Variants in NKIRAS1 observed in about 807,000 individuals in gnomAD.
NKIRAS1 encodes the protein NF-kappa-B inhibitor-interacting Ras-like protein 1.
NKIRAS1 carries 16 observed loss-of-function variants against 19.8 expected under a neutral mutation model. The observed-to-expected ratio is 0.81, with a 90% confidence interval of 0.55 to 1.23. The LOEUF is 1.23. Ranked by LOEUF, NKIRAS1 falls within the 50% of genes most tolerant of loss-of-function variation. The pLI, the probability that NKIRAS1 is intolerant of heterozygous loss-of-function variation, is 0.00. For synonymous variants in NKIRAS1, 88 were observed against 79.0 expected (o/e 1.11, Z -0.61); for missense variants, 184 against 220.0 (o/e 0.84, Z 1.04).
At chr3:23,896,527 C>T (rs1448307364) in intron 4 of NKIRAS1, among the ~76,000 whole-genome samples, 3 of 151,724 alleles carry the variant, frequency 2.0e-5, no homozygotes, top group African/African-American at 7.3e-5. Context: ...GCAGGAAAAT[C>T]GCTTGAACCT....
chr3:23,945,579 A>T, intron 1 of NKIRAS1: 1 of 1,148,826 alleles, frequency 8.7e-7, no homozygotes, highest in Non-Finnish European at 1.1e-6. Context: ...CGAGGGCACC[A>T]TGGAGGTGAA....
Position 23,893,037 on chromosome 3 carries a change from T to A in NKIRAS1, c.*58A>T. The A allele has an allele frequency of 6.8e-7, 1 of 1,481,118 alleles. No homozygotes were observed. The highest frequency in any genetic ancestry group is 9.0e-7 in the Non-Finnish European group (1 of 1,114,028). The allele number at this position is 1,481,118 out of a possible 1,614,324, so 91.7% of individuals were successfully genotyped here. A position where few individuals can be genotyped will look rare whatever the true frequency, so the allele number is the denominator to read the frequency against. ...TTTTAAATAGTAATATTACTCCATGTTCACAGACACTTAAAGGCAATCACT... is the reference window on the plus strand; with the variant it reads ...TTTTAAATAGTAATATTACTCCATGATCACAGACACTTAAAGGCAATCACT... On this transcript the variant is annotated 3_prime_UTR_variant, in exon 5 of 5. Coordinates refer to ENST00000425478, the MANE Select transcript of NKIRAS1 (RefSeq NM_020345.4).
chr3:23,921,730 A>G (rs1298870640), upstream of NKIRAS1: 1 of 627,874 alleles, frequency 1.6e-6, no homozygotes, highest in Non-Finnish European at 2.8e-6. Context: ...GCACACTGCC[A>G]TGCCCAGCTA....
At chr3:23,904,773 T>C (rs1192535358) in intron 3 of NKIRAS1, among the ~76,000 whole-genome samples, 1 of 152,186 alleles carries the variant, frequency 6.6e-6, no homozygotes, top group African/African-American at 2.4e-5. Flanking sequence ...ACACACCTTC[T>C]ATGAATCAGC....
At chr3:23,942,831 C>G (rs1481713494) in intron 1 of NKIRAS1, among the ~76,000 whole-genome samples, 1 of 152,196 alleles carries the variant, frequency 6.6e-6, no homozygotes, top group Non-Finnish European at 1.5e-5. Context: ...TTACTGCAGC[C>G]TCAACCTCCC....
chr3:23,946,184 C>G (rs1388072243), intron 1 of NKIRAS1: 11 of 985,206 alleles, frequency 1.1e-5, no homozygotes, highest in Non-Finnish European at 1.3e-5. Flanking sequence ...GCTGAGCCCC[C>G]GCGGCGGGGC....
At chr3:23,910,957 C>G (rs879390062) in intron 2 of NKIRAS1, 36 bp from the exon 3 acceptor site, 1 of 1,427,180 alleles carries the variant, frequency 7.0e-7, no homozygotes, top group Non-Finnish European at 9.9e-7. Context: ...AAATTGTATA[C>G]TGTTGAAATT....
rs751945454 is a variant in NKIRAS1 at position 23,910,864 on chromosome 3, G to C, written c.41C>G (p.Ser14Cys). ...GCKVVVCGLL[S>C]VGKTAILEQL... The stretch of plus-strand genomic sequence containing the variant: ...CTCCAAAATTGCAGTTTTCCCCACA[G>C]ATAACAATCCACAAACCACAACCTT... The change falls in exon 3 of 5, where the codon TCT becomes TGT. Residue 14 changes from serine (S) to cysteine (C), a missense_variant. Physicochemically the swap from Ser to Cys is moderately radical, Grantham distance 112 (BLOSUM62 -1). Coordinates refer to ENST00000425478, the MANE Select transcript of NKIRAS1 (RefSeq NM_020345.4). The C allele has an allele frequency of 1.9e-6, 3 of 1,614,006 alleles. No individual in the cohort carries two copies. Among genetic ancestry groups the C allele is most frequent in the Non-Finnish European group, 2.5e-6 (3 of 1,180,022 alleles).
chr3:23,942,939 A>C (rs80303063), intron 1 of NKIRAS1, among the ~76,000 whole-genome samples: 1 of 151,684 alleles, frequency 6.6e-6, no homozygotes, highest in Non-Finnish European at 1.5e-5. Context: ...GTAGAGATGG[A>C]GTTTCGCCAT....
chr3:23,893,667 CGTA>C (rs1369457485), intron 4 of NKIRAS1, among the ~76,000 whole-genome samples: 3 of 151,816 alleles, frequency 2.0e-5, no homozygotes, highest in Non-Finnish European at 2.9e-5. Context: ...ATTAGCCAGG[CGTA>C]GTGGTGTGCG....
chr3:23,920,861 A>AT (rs1421256043), upstream of NKIRAS1: 9 of 831,990 alleles, frequency 1.1e-5, no homozygotes, highest in African/African-American at 1.8e-5. Flanking sequence ...ACCTTCTGTT[A>AT]TTTTTTGTCA....
chr3:23,935,197 A>G (rs1190872733), intron 1 of NKIRAS1, among the ~76,000 whole-genome samples: 1 of 128,654 alleles, frequency 7.8e-6, no homozygotes, highest in Non-Finnish European at 1.7e-5. Context: ...CAAATTTATA[A>G]TGAATATTAT....
At chr3:23,904,688 A>C (rs1258469612) in intron 3 of NKIRAS1, among the ~76,000 whole-genome samples, 2 of 152,194 alleles carry the variant, frequency 1.3e-5, no homozygotes, top group Admixed American at 6.5e-5. Flanking sequence ...AAGCATCAAG[A>C]ATCATAATGG....
rs774330480 is a variant in NKIRAS1 at position 23,893,185 on chromosome 3, TA to T, written c.488del (p.Leu163TyrfsTer2). 296 of 1,613,700 alleles carry T rather than the reference TA, an allele frequency of 1.8e-4. No individual in the cohort carries two copies. Among genetic ancestry groups the T allele is most frequent in the Non-Finnish European group, 2.4e-4 (281 of 1,179,928 alleles). ...DRKTLIEPFT[L>X]LASKLSQPQS... ...GGGGTTGAGAAAGTTTACTGGCTAA[TA>T]AAGTGAATGGTTCAATCAGAGTTTT... On this transcript the variant is annotated frameshift_variant, in exon 5 of 5. Transcript: ENST00000425478. LOFTEE classifies it high-confidence loss of function.
exon 1 of NKIRAS1, chr3:23,946,357 G>GCCCT: frequency 1.1e-6 from 1 of 928,130 alleles, no homozygotes; most frequent in Non-Finnish European, 1.3e-6. Flanking sequence ...CAGGACGAGG[G>GCCCT]CGTGCTGCAG....
At chr3:23,919,927 T>G (rs1296821888), upstream of NKIRAS1, 1 of 989,818 alleles carries the variant, frequency 1.0e-6, no homozygotes, top group Admixed American at 5.9e-5. Context: ...CTTTTTAAGT[T>G]GGGCTTTAGA....
At position 23,891,500 on chromosome 3, in the gene NKIRAS1, A is replaced by G. The variant is rs546107419; in HGVS notation, c.*1595T>C. ...GATGAGGTATCCTAGAAAAGGTTAA[A>G]TAATCTACCCCATTTAGGCTTCAAA... On this transcript the variant is annotated 3_prime_UTR_variant, in exon 5 of 5. Coordinates refer to ENST00000425478, the MANE Select transcript of NKIRAS1 (RefSeq NM_020345.4). 1.2e-4 allele frequency among the ~76,000 whole-genome samples: 19 copies of G among 152,354 alleles called. 1 individual carries two copies. The South Asian group carries it at 3.9e-3, about 32-fold the overall frequency.
In NKIRAS1 at chr3:23,892,437, C is replaced by G. The variant is rs999713176; in HGVS notation, c.*658G>C. 6.6e-6 allele frequency: 1 copy of G among 152,182 alleles called. No individual in the cohort carries two copies. Among genetic ancestry groups the G allele is most frequent in the African/African-American group, 2.4e-5 (1 of 41,438 alleles). 9.4% of individuals were successfully genotyped at this position (152,182 alleles called of 1,614,324 possible). A position where few individuals can be genotyped will look rare whatever the true frequency, so the allele number is the denominator to read the frequency against. ...AACAGTTTGCCCTCAAGTATCTGGT[C>G]TATCAACAGGGGTCTGGCTAAGGAA... On this transcript the variant is annotated 3_prime_UTR_variant, in exon 5 of 5. Coordinates refer to ENST00000425478, the MANE Select transcript of NKIRAS1 (RefSeq NM_020345.4).
At chr3:23,934,646 A>G (rs553572006) in intron 1 of NKIRAS1, among the ~76,000 whole-genome samples, 1 of 152,316 alleles carries the variant, frequency 6.6e-6, no homozygotes, top group African/African-American at 2.4e-5. Context: ...GGTCAGCAGG[A>G]ACTATTTCAA....
Sources: gnomAD v4.1 joint callset for allele counts (sites outside exome capture counted in the v4.1 genomes callset) on GRCh38, gnomAD v4.1.1 for gene constraint, MANE v1.5 for transcripts, NCBI Gene and HGNC (gene_info 2026-07-23, HGNC 2026-07-21) for gene names.